Variants in PCCA observed in about 807,000 individuals in gnomAD.
PCCA encodes the protein propionyl-CoA carboxylase subunit alpha.
In PCCA, 74 loss-of-function variants were observed where a neutral mutation model predicts 101.3. That is an observed-to-expected ratio of 0.73 (90% CI 0.61 to 0.89). The LOEUF (loss-of-function observed/expected upper bound fraction) is 0.89. PCCA is among the 40% of genes least tolerant of loss of function. PCCA has a pLI of 0.00. For missense variants in PCCA, 891 were observed against 907.0 expected, an observed-to-expected ratio of 0.98 and a Z score of 0.23; for synonymous variants, 294 against 313.6, an observed-to-expected ratio of 0.94 and a Z score of 0.66.
At chr13:100,217,586 T>G (rs114095920) in intron 7 of PCCA, among the ~76,000 whole-genome samples, 4 of 151,962 alleles carry the variant, frequency 2.6e-5, no homozygotes, top group Non-Finnish European at 5.9e-5. Flanking sequence ...TGTGTGTGTG[T>G]GGCTGAGTGA....
intron 12 of PCCA, among the ~76,000 whole-genome samples, chr13:100,274,153 C>T (rs975786183): frequency 1.3e-5 from 2 of 152,314 alleles, no homozygotes; most frequent in African/African-American, 2.4e-5. Context: ...ATCTGACTGA[C>T]TTCTCAGAAC....
chr13:100,524,055 C>A (rs759023231), intron 22 of PCCA, among the ~76,000 whole-genome samples: 74 of 152,330 alleles, frequency 4.9e-4, no homozygotes, highest in Non-Finnish European at 7.9e-4. Context: ...CTGCCCAGCT[C>A]CCTGGTGTAC....
chr13:100,282,301 T>C (rs2064187340), intron 12 of PCCA, among the ~76,000 whole-genome samples: 1 of 152,256 alleles, frequency 6.6e-6, no homozygotes, highest in African/African-American at 2.4e-5. Flanking sequence ...CTCAGAGCCC[T>C]CGCTCGCTCT....
At chr13:100,193,493 T>G (rs2057880283) in intron 6 of PCCA, among the ~76,000 whole-genome samples, 1 of 152,228 alleles carries the variant, frequency 6.6e-6, no homozygotes, top group African/African-American at 2.4e-5. Context: ...ATAAAATGGT[T>G]TTTTAGTAAT....
At chr13:100,456,231 G>A (rs769033705) in intron 21 of PCCA, among the ~76,000 whole-genome samples, 26 of 152,230 alleles carry the variant, frequency 1.7e-4, no homozygotes, top group Middle Eastern at 6.8e-3. Flanking sequence ...ACCTCTTATA[G>A]CTTTTTGTGT....
At chr13:100,242,014 G>A (rs980384462) in intron 8 of PCCA, among the ~76,000 whole-genome samples, 2 of 152,032 alleles carry the variant, frequency 1.3e-5, no homozygotes, top group African/African-American at 4.8e-5. Flanking sequence ...ATATATAAGG[G>A]TTTCAATCTC....
chr13:100,338,567 G>T (rs1054836865), intron 17 of PCCA, among the ~76,000 whole-genome samples: 1 of 151,956 alleles, frequency 6.6e-6, no homozygotes, highest in Non-Finnish European at 1.5e-5. Context: ...ACAAGACTGA[G>T]AGCAAATTTT....
At chr13:100,410,955 G>C (rs756541929) in intron 19 of PCCA, among the ~76,000 whole-genome samples, 1 of 152,254 alleles carries the variant, frequency 6.6e-6, no homozygotes, top group Non-Finnish European at 1.5e-5. Flanking sequence ...TAGCAAACTT[G>C]TTAGTTAGCC....
chr13:100,184,805 A>G lies in PCCA; in HGVS notation c.469-24527A>G, dbSNP rs150341557. ...ATTTTTTTCAACTATTTAAAAACAT[A>G]AAAAACCTTTCTTAGCTCATAGACT... On this transcript the variant is annotated intron_variant, in intron 6 of 23. Coordinates refer to ENST00000376285, the MANE Select transcript of PCCA (RefSeq NM_000282.4). Among the ~76,000 whole-genome samples the G allele has an allele frequency of 2.6e-5, 4 of 152,322 alleles. No homozygotes were observed. The East Asian group carries it at 5.8e-4, about 22-fold the overall frequency.
chr13:100,355,264 A>T (rs1272972007), intron 18 of PCCA, among the ~76,000 whole-genome samples: 1 of 152,194 alleles, frequency 6.6e-6, no homozygotes, highest in Non-Finnish European at 1.5e-5. Context: ...GCTTTTCATT[A>T]TGAAAAACAC....
In PCCA at chr13:100,307,143, A is replaced by G. The variant is rs1290977503; in HGVS notation, c.1285-49A>G. The G allele has an allele frequency of 6.6e-6, 9 of 1,355,434 alleles. No homozygotes were observed. The Admixed American group carries it at 1.5e-4, about 23-fold the overall frequency. The allele number at this position is 1,355,434 out of a possible 1,614,324, so 84.0% of individuals were successfully genotyped here. A position where few individuals can be genotyped will look rare whatever the true frequency, so the allele number is the denominator to read the frequency against. ...AAATGAAATTGGTGGTTACAAAAAAATATCTACACAATATGAATTACTTTT... is the reference window on the plus strand; with the variant it reads ...AAATGAAATTGGTGGTTACAAAAAAGTATCTACACAATATGAATTACTTTT... On this transcript the variant is annotated intron_variant, in intron 14 of 23. Coordinates refer to ENST00000376285, the MANE Select transcript of PCCA (RefSeq NM_000282.4).
intron 19 of PCCA, among the ~76,000 whole-genome samples, chr13:100,422,070 T>TCTTTTCTTTCTTTC (rs1555454058): frequency 9.0e-6 from 1 of 110,706 alleles, no homozygotes; most frequent in African/African-American, 3.5e-5. Flanking sequence ...TTCTCTTTTC[T>TCTTTTCTTTCTTTC]TTTCTTTCTT....
rs763453775 is a variant in PCCA, at chr13:100,530,381, CTG to C, written c.*218_*219del. The C allele has an allele frequency of 3.3e-6, 2 of 612,272 alleles. No homozygotes were observed. The highest frequency in any genetic ancestry group is 5.6e-5 in the East Asian group (2 of 35,950). 37.9% of individuals were successfully genotyped at this position (612,272 alleles called of 1,614,324 possible). A position where few individuals can be genotyped will look rare whatever the true frequency, so the allele number is the denominator to read the frequency against. ...CTTGTACATATGATTTGTACTTCTG[CTG>C]TGAGATTCCCTAGTGTCAAAATTAA... On this transcript the variant is annotated 3_prime_UTR_variant, in exon 24 of 24. Coordinates refer to ENST00000376285, the MANE Select transcript of PCCA (RefSeq NM_000282.4).
chr13:100,119,893 C>T (rs763001874), intron 4 of PCCA, among the ~76,000 whole-genome samples: 4 of 151,984 alleles, frequency 2.6e-5, no homozygotes, highest in Non-Finnish European at 5.9e-5. Context: ...TTATTTGAGC[C>T]GGAGTTTTGC....
chr13:100,424,677 T>A (rs2079028876), intron 19 of PCCA, among the ~76,000 whole-genome samples: 1 of 152,126 alleles, frequency 6.6e-6, no homozygotes, highest in African/African-American at 2.4e-5. Flanking sequence ...ACCCCCGCCC[T>A]ATCCCCAAGG....
At chr13:100,268,283 C>T (rs1207486776) in intron 10 of PCCA, among the ~76,000 whole-genome samples, 2 of 152,104 alleles carry the variant, frequency 1.3e-5, no homozygotes, top group Non-Finnish European at 2.9e-5. Flanking sequence ...AATGTCATTT[C>T]CCAATCAACA....
chr13:100,114,777 C>T (rs1336751521), intron 4 of PCCA, among the ~76,000 whole-genome samples: 2 of 152,122 alleles, frequency 1.3e-5, no homozygotes, highest in South Asian at 2.1e-4. Flanking sequence ...AAAGACATAA[C>T]GAGTACTGGC....
chr13:100,101,815 C>G (rs191576291), intron 1 of PCCA, among the ~76,000 whole-genome samples: 188 of 152,168 alleles, frequency 1.2e-3, no homozygotes, highest in Middle Eastern at 3.4e-3. Context: ...TTTGGCCAGT[C>G]TGGTCGCAAA....
Position 100,154,973 on chromosome 13 carries a change from C to G in PCCA, c.301-6C>G. 1 of 1,606,250 alleles carries G rather than the reference C, an allele frequency of 6.2e-7. No homozygotes were observed. The highest frequency in any genetic ancestry group is 8.5e-7 in the Non-Finnish European group (1 of 1,172,876). On this transcript the variant is annotated splice_region_variant and splice_polypyrimidine_tract_variant and intron_variant, in intron 4 of 23. Coordinates refer to ENST00000376285, the MANE Select transcript of PCCA (RefSeq NM_000282.4). ...CATCTGTTAATGCAGAAATTTGTCT[C>G]CTCAGGTTCATGTGAAAATGGCGGA...
Sources: gnomAD v4.1 joint callset for allele counts (sites outside exome capture counted in the v4.1 genomes callset) on GRCh38, gnomAD v4.1.1 for gene constraint, MANE v1.5 for transcripts, NCBI Gene and HGNC (gene_info 2026-07-23, HGNC 2026-07-21) for gene names.